Variants in PLEKHG1 observed in about 807,000 individuals in gnomAD.
The protein encoded by PLEKHG1 is pleckstrin homology domain-containing family G member 1.
Under a neutral mutation model 100.8 loss-of-function variants are expected in PLEKHG1, and 44 were observed. The ratio of observed to expected loss-of-function variants is 0.44; its 90% CI spans 0.34 to 0.56. PLEKHG1 has a LOEUF of 0.56. Among genes scored for constraint, PLEKHG1 ranks in the 20% least tolerant of loss-of-function variants. PLEKHG1 has a pLI of 0.01. For synonymous variants in PLEKHG1, 640 were observed against 662.5 expected (o/e 0.97, Z 0.52); for missense variants, 1,545 against 1,720.9 (o/e 0.90, Z 1.81).
At chr6:150,824,614 C>T (rs1327572358) in intron 14 of PLEKHG1, among the ~76,000 whole-genome samples, 11 of 151,620 alleles carry the variant, frequency 7.3e-5, no homozygotes, top group South Asian at 2.1e-4. Context: ...CTCTGACTCC[C>T]GGGTTCAAGC....
intron 3 of PLEKHG1, among the ~76,000 whole-genome samples, chr6:150,777,547 T>C (rs1483478617): frequency 1.9e-4 from 27 of 145,524 alleles, no homozygotes; most frequent in African/African-American, 6.2e-4. Flanking sequence ...TGCACATTAC[T>C]CACACTGATG....
chr6:150,786,967 G>A (rs1785660493), intron 4 of PLEKHG1, among the ~76,000 whole-genome samples: 1 of 149,816 alleles, frequency 6.7e-6, no homozygotes, highest in Non-Finnish European at 1.5e-5. Context: ...GGCGGAGGTT[G>A]CAGTGGGAGC....
intron 2 of PLEKHG1, among the ~76,000 whole-genome samples, chr6:150,742,564 CAAAAAAAAA>C (rs58003146): frequency 4.1e-5 from 2 of 48,354 alleles, no homozygotes; most frequent in African/African-American, 8.5e-5. Flanking sequence ...GACTCCATCT[CAAAAAAAAA>C]AAAAAAAAAA....
chr6:150,723,867 C>T (rs370720824), intron 1 of PLEKHG1, among the ~76,000 whole-genome samples: 9 of 152,152 alleles, frequency 5.9e-5, no homozygotes, highest in South Asian at 4.1e-4. Flanking sequence ...GCTTGGGGAC[C>T]GTCATAAAAT....
rs557423189 is a variant in PLEKHG1, at chr6:150,693,489, C to T, written c.-98-40095C>T. ...TGATCAGCCAGTGATTCAAATTGCCCTTGGAATAATCTCTGAATTCCCTGG... is the reference window on the plus strand; with the variant it reads ...TGATCAGCCAGTGATTCAAATTGCCTTTGGAATAATCTCTGAATTCCCTGG... On this transcript the variant is annotated intron_variant, in intron 3 of 3. Transcript: ENST00000367326. 2.6e-5 allele frequency among the ~76,000 whole-genome samples: 4 copies of T among 152,302 alleles called. No individual in the cohort carries two copies. The East Asian group carries it at 5.8e-4, about 22-fold the overall frequency.
chr6:150,810,496 GAGGGA>G, intron 10 of PLEKHG1, among the ~76,000 whole-genome samples: 1 of 139,560 alleles, frequency 7.2e-6, no homozygotes, highest in East Asian at 2.2e-4. Context: ...AGGAAGGAAG[GAGGGA>G]AAGAAAGAAA....
intron 14 of PLEKHG1, among the ~76,000 whole-genome samples, chr6:150,827,045 T>G (rs1298079836): frequency 6.6e-6 from 1 of 151,572 alleles, no homozygotes; most frequent in Non-Finnish European, 1.5e-5. Flanking sequence ...CTCTTTCTTT[T>G]CTTCCTTCTT....
At position 150,683,696 on chromosome 6, in the gene PLEKHG1, T is replaced by C; in HGVS notation, c.-99+32910T>C. ...GAGTGTTCAATGATGCTGTTCAACT[T>C]GAACCCTGAGTTGACACACGGACCC... On this transcript the variant is annotated intron_variant, in intron 3 of 3. Transcript: ENST00000367326. The surrounding 1 kb of genome is among the most constrained non-coding windows in gnomAD (Gnocchi z 4.0). The C allele has an allele frequency of 3.3e-6, 3 of 897,612 alleles. No individual in the cohort carries two copies. Among genetic ancestry groups the C allele is most frequent in the African/African-American group, 3.5e-5 (2 of 57,168 alleles). 55.6% of individuals were successfully genotyped at this position (897,612 alleles called of 1,614,324 possible). A position where few individuals can be genotyped will look rare whatever the true frequency, so the allele number is the denominator to read the frequency against.
intron 1 of PLEKHG1, among the ~76,000 whole-genome samples, chr6:150,628,521 T>C (rs1387554685): frequency 2.4e-5 from 1 of 41,966 alleles, no homozygotes; most frequent in Non-Finnish European, 4.8e-5. Flanking sequence ...GGTATGTAGA[T>C]AGGAAAACAC....
chr6:150,765,859 C>T (rs1022116714), intron 2 of PLEKHG1, among the ~76,000 whole-genome samples: 2 of 152,186 alleles, frequency 1.3e-5, no homozygotes, highest in Admixed American at 6.5e-5. Context: ...AAACTAGTTT[C>T]TGCATGCTTA....
At chr6:150,655,217 G>A (rs972483952) in intron 3 of PLEKHG1, among the ~76,000 whole-genome samples, 4 of 152,182 alleles carry the variant, frequency 2.6e-5, no homozygotes, top group South Asian at 2.1e-4. Flanking sequence ...TGTGGAAGAC[G>A]ATGTAGCGAT....
At chr6:150,798,067 C>T (rs905765070) in intron 5 of PLEKHG1, among the ~76,000 whole-genome samples, 1 of 152,062 alleles carries the variant, frequency 6.6e-6, no homozygotes, top group African/African-American at 2.4e-5. Context: ...TTCACTTAAG[C>T]AATTTTCTCT....
intron 1 of PLEKHG1, among the ~76,000 whole-genome samples, chr6:150,623,530 G>T (rs541579789): frequency 6.6e-6 from 1 of 152,310 alleles, no homozygotes; most frequent in East Asian, 1.9e-4. Flanking sequence ...TCAAACTCAC[G>T]TATCTATTAA....
At chr6:150,636,568 T>G (rs1371776783) in intron 1 of PLEKHG1, among the ~76,000 whole-genome samples, 1 of 151,972 alleles carries the variant, frequency 6.6e-6, no homozygotes, top group African/African-American at 2.4e-5. Context: ...ACATGGCCCC[T>G]GGACAGGAGA....
chr6:150,824,174 GT>G (rs1303339424), intron 14 of PLEKHG1, among the ~76,000 whole-genome samples: 2 of 152,216 alleles, frequency 1.3e-5, no homozygotes, highest in African/African-American at 4.8e-5. Context: ...GTCATATCAA[GT>G]TTTGATTTTT....
chr6:150,675,892 A>G (rs1039223447), intron 3 of PLEKHG1, among the ~76,000 whole-genome samples: 3 of 152,264 alleles, frequency 2.0e-5, no homozygotes, highest in African/African-American at 4.8e-5. Flanking sequence ...TTTATTGCAG[A>G]TATCATTAAA....
rs1475942981 is a variant in PLEKHG1, at chr6:150,714,871, C to T, written c.-98-18713C>T. ...TCGCCCAGGCTGGAGTGCAGTGGTG[C>T]CATCTCAGCTCACTGCAACCTCCAC... On this transcript the variant is annotated intron_variant, in intron 3 of 3. Transcript: ENST00000367326. 2.7e-5 allele frequency among the ~76,000 whole-genome samples: 4 copies of T among 150,856 alleles called. No homozygotes were observed. The East Asian group carries it at 7.9e-4, about 30-fold the overall frequency.
intron 2 of PLEKHG1, among the ~76,000 whole-genome samples, chr6:150,741,286 A>T (rs1782842108): frequency 6.6e-6 from 1 of 152,210 alleles, no homozygotes; most frequent in African/African-American, 2.4e-5. Flanking sequence ...CTGTCGGCTG[A>T]ACACAAGAGT....
intron 2 of PLEKHG1, among the ~76,000 whole-genome samples, chr6:150,758,260 GT>G: frequency 1.3e-5 from 2 of 151,786 alleles, no homozygotes; most frequent in Middle Eastern, 6.9e-3. Context: ...CACTACAATG[GT>G]TAAACTAATT....
Sources: allele counts gnomAD v4.1 joint callset (sites outside exome capture counted in the v4.1 genomes callset), GRCh38; gene constraint gnomAD v4.1.1; non-coding constraint Gnocchi (gnomAD v3.1); transcripts MANE v1.5; gene names NCBI Gene and HGNC (gene_info 2026-07-23, HGNC 2026-07-21).